The following AGTRAP variants were observed in gnomAD, a reference collection of about 807,000 sequenced individuals.
AGTRAP encodes type-1 angiotensin II receptor-associated protein.
Under a neutral mutation model 15.2 loss-of-function variants are expected in AGTRAP, and 7 were observed. The ratio of observed to expected loss-of-function variants is 0.46; its 90% CI spans 0.26 to 0.87. The LOEUF (loss-of-function observed/expected upper bound fraction) is 0.87, where lower values mean the gene tolerates loss of function less well. Ranked by LOEUF, AGTRAP falls within the 40% of genes least tolerant of loss-of-function variation. The pLI, the probability that AGTRAP is intolerant of heterozygous loss-of-function variation, is 0.15. For missense variants in AGTRAP, 187 were observed against 213.4 expected, an observed-to-expected ratio of 0.88 and a Z score of 0.77; for synonymous variants, 74 against 89.6, an observed-to-expected ratio of 0.83 and a Z score of 0.98.
At chr1:11,746,207 C>T (rs780893577) in intron 2 of AGTRAP, 19 of 1,610,928 alleles carry the variant, frequency 1.2e-5, no homozygotes, top group African/African-American at 4.0e-5. Context: ...CGAAGTGCAG[C>T]GCACAGGGCA....
In AGTRAP at chr1:11,736,193, C is replaced by G; in HGVS notation, c.-16C>G. On this transcript the variant is annotated 5_prime_UTR_variant, in exon 1 of 5. Coordinates refer to ENST00000314340, the MANE Select transcript of AGTRAP (RefSeq NM_020350.5). ...CCCCCGCGGCTGCGGCGCAGGTGCC[C>G]TCGGCCTGAGTCGGGATGGAGCTGC... 1 of 1,602,656 alleles carries G rather than the reference C, an allele frequency of 6.2e-7. No individual in the cohort carries two copies.
chr1:11,746,823 CAAGT>C (rs527376916), intron 2 of AGTRAP, among the ~76,000 whole-genome samples: 188 of 152,342 alleles, frequency 1.2e-3, no homozygotes, highest in Non-Finnish European at 1.9e-3. Context: ...ATTGGATTGA[CAAGT>C]AAGTCAACAA....
At chr1:11,736,306 G>A in intron 1 of AGTRAP, 71 bp downstream of exon 1, 2 of 1,571,094 alleles carry the variant, frequency 1.3e-6, no homozygotes, top group Non-Finnish European at 1.7e-6. Context: ...CCGGAAGGTG[G>A]GAGGAAGGAC....
At position 11,748,731 on chromosome 1, in the gene AGTRAP, G is replaced by A. The variant is rs1253842250; in HGVS notation, c.364+121G>A. On this transcript the variant is annotated intron_variant, in intron 4 of 4. Coordinates refer to ENST00000314340, the MANE Select transcript of AGTRAP (RefSeq NM_020350.5). The stretch of plus-strand genomic sequence containing the variant: ...GGCCAGGGCTCAAGGTGCAGGGAGA[G>A]CGTGGCATGGGCGCTCTGTACTAGG... The A allele has an allele frequency of 1.8e-5, 22 of 1,194,138 alleles. No homozygotes were observed. The East Asian group carries it at 2.6e-4, about 14-fold the overall frequency. The allele number at this position is 1,194,138 out of a possible 1,614,324, so 74.0% of individuals were successfully genotyped here.
At chr1:11,744,048 G>A (rs1018469319) in intron 1 of AGTRAP, among the ~76,000 whole-genome samples, 1 of 152,122 alleles carries the variant, frequency 6.6e-6, no homozygotes, top group Admixed American at 6.5e-5. Context: ...GACCAAGGTG[G>A]GTAGATTGCT....
chr1:11,746,517 G>T (rs74869977), intron 2 of AGTRAP: 107 of 319,522 alleles, frequency 3.3e-4, no homozygotes, highest in African/African-American at 2.1e-3. Flanking sequence ...AGTGGGTTTG[G>T]TAATAAATGA....
At chr1:11,747,832 C>T (rs1213521768) in intron 3 of AGTRAP, among the ~76,000 whole-genome samples, 1 of 152,230 alleles carries the variant, frequency 6.6e-6, no homozygotes, top group African/African-American at 2.4e-5. Context: ...TTAGCCACTT[C>T]GCAAGAGCAG....
intron 4 of AGTRAP, among the ~76,000 whole-genome samples, chr1:11,749,416 GGGCCTGCCCCCA>G (rs1482008975): frequency 1.3e-5 from 2 of 152,208 alleles, no homozygotes; most frequent in Non-Finnish European, 2.9e-5. Flanking sequence ...AGCACTGCCT[GGGCCTGCCCCCA>G]GGTGAGGGGT....
rs1642151050 is a variant in AGTRAP at position 11,745,914 on chromosome 1, G to C, written c.62+77G>C. ...GTCAGCCGGGTCAGGTCCTGGTTCT[G>C]CCGTGTTTTAACCAGGTCACTTTGG... On this transcript the variant is annotated intron_variant, in intron 2 of 4. Coordinates refer to ENST00000314340, the MANE Select transcript of AGTRAP (RefSeq NM_020350.5). This position sits in a 1 kb window ranked among gnomAD's most constrained non-coding sequence, Gnocchi z 4.2. 6.3e-7 allele frequency: 1 copy of C among 1,583,508 alleles called. No homozygotes were observed. The highest frequency in any genetic ancestry group is 1.3e-5 in the African/African-American group (1 of 74,156).
At chr1:11,740,692 T>C (rs1642010272) in intron 1 of AGTRAP, among the ~76,000 whole-genome samples, 1 of 152,154 alleles carries the variant, frequency 6.6e-6, no homozygotes, top group Non-Finnish European at 1.5e-5. Flanking sequence ...CTAACTGCCA[T>C]TCTTTCCGGA....
intron 1 of AGTRAP, among the ~76,000 whole-genome samples, chr1:11,741,788 A>G (rs533006889): frequency 6.6e-6 from 1 of 152,342 alleles, no homozygotes; most frequent in South Asian, 2.1e-4. Context: ...GGCACCTAGC[A>G]CATAGGAAGC....
At chr1:11,741,536 TGAAATCCATGGAA>T (rs1177029698) in intron 1 of AGTRAP, among the ~76,000 whole-genome samples, 1 of 152,178 alleles carries the variant, frequency 6.6e-6, no homozygotes, top group African/African-American at 2.4e-5. Flanking sequence ...CCCTGGGGAT[TGAAATCCATGGAA>T]GACTACACCT....
chr1:11,738,761 T>C (rs766052078), intron 1 of AGTRAP, among the ~76,000 whole-genome samples: 2 of 152,176 alleles, frequency 1.3e-5, no homozygotes, highest in Non-Finnish European at 2.9e-5. Context: ...CCCACGAAGT[T>C]AACCGCTGCA....
intron 1 of AGTRAP, among the ~76,000 whole-genome samples, chr1:11,739,808 T>C (rs1029635197): frequency 6.6e-6 from 1 of 152,158 alleles, no homozygotes; most frequent in African/African-American, 2.4e-5. Flanking sequence ...TATTTAACAG[T>C]TAGTAAACGG....
intron 2 of AGTRAP, chr1:11,746,255 C>G (rs1642161594): frequency 1.3e-6 from 2 of 1,549,008 alleles, no homozygotes. Context: ...CATCATGATT[C>G]ACGACCTTGA....
Position 11,746,164 on chromosome 1 carries a change from A to G in AGTRAP, c.62+327A>G, listed in dbSNP as rs773239779. On this transcript the variant is annotated intron_variant, in intron 2 of 4. Coordinates refer to ENST00000314340, the MANE Select transcript of AGTRAP (RefSeq NM_020350.5). ...TTTCTCTGCCAAACCAAGACTGGAA[A>G]CCATTGAGCTCACCTGTGCACTTTG... is the stretch of plus-strand genomic sequence containing the variant. 4.2e-5 allele frequency: 67 copies of G among 1,613,836 alleles called. No individual in the cohort carries two copies. In the South Asian group the frequency reaches 7.0e-4, roughly 17 times the overall value.
At chr1:11,741,211 CCT>C (rs1391293109) in intron 1 of AGTRAP, among the ~76,000 whole-genome samples, 1 of 152,050 alleles carries the variant, frequency 6.6e-6, no homozygotes, top group East Asian at 1.9e-4. Context: ...TCCCCCTCAG[CCT>C]CCCCCATCCC....
intron 3 of AGTRAP, 40 bp downstream of exon 3, chr1:11,747,585 G>A (rs528955240): frequency 4.5e-5 from 71 of 1,589,264 alleles, no homozygotes; most frequent in Admixed American, 6.7e-5. Flanking sequence ...GCGGGGAGCC[G>A]CAGCACAGGG....
At chr1:11,748,715 T>A in intron 4 of AGTRAP, 105 bp downstream of exon 4, 1 of 1,337,284 alleles carries the variant, frequency 7.5e-7, no homozygotes, top group Non-Finnish European at 1.0e-6. Flanking sequence ...GGGCCAGGGC[T>A]CAAGGTGCAG....
Sources: gnomAD v4.1 joint callset for allele counts (sites outside exome capture counted in the v4.1 genomes callset) on GRCh38, gnomAD v4.1.1 for gene constraint, Gnocchi (gnomAD v3.1) non-coding constraint, MANE v1.5 for transcripts, NCBI Gene and HGNC (gene_info 2026-07-23, HGNC 2026-07-21) for gene names.